GPHN: variants seen among roughly 807,000 people sequenced by gnomAD.
GPHN encodes gephyrin.
A neutral mutation model predicts 95.5 loss-of-function variants in GPHN; 17 were observed. That is an observed-to-expected ratio of 0.18 (90% CI 0.12 to 0.27). The LOEUF is 0.27. Ranked by LOEUF, GPHN falls within the 10% of genes least tolerant of loss-of-function variation. The pLI is 1.00. For missense variants in GPHN, 660 were observed against 978.1 expected, an observed-to-expected ratio of 0.67 and a Z score of 4.34; for synonymous variants, 320 against 322.5, an observed-to-expected ratio of 0.99 and a Z score of 0.08.
intron 4 of GPHN, among the ~76,000 whole-genome samples, chr14:66,870,580 GA>G (rs1259316464): frequency 6.6e-6 from 1 of 152,048 alleles, no homozygotes; most frequent in East Asian, 1.9e-4. Context: ...TTTATACCCT[GA>G]AAAATATTTT....
chr14:66,742,787 A>C (rs780563602), intron 2 of GPHN, among the ~76,000 whole-genome samples: 1 of 152,052 alleles, frequency 6.6e-6, no homozygotes, highest in Non-Finnish European at 1.5e-5. Context: ...TTTGAGACGG[A>C]GTCTCGCTCT....
intron 1 of GPHN, among the ~76,000 whole-genome samples, chr14:66,519,942 C>G (rs1003943665): frequency 6.6e-6 from 1 of 152,068 alleles, no homozygotes; most frequent in South Asian, 2.1e-4. Context: ...AGTAAATGAA[C>G]AGGCTGCAAA....
At chr14:67,714,002 T>C in the GPHN span, among the ~76,000 whole-genome samples, 1 of 152,216 alleles carries the variant, frequency 6.6e-6, no homozygotes, top group Non-Finnish European at 1.5e-5. Flanking sequence ...GAGGCAGGTT[T>C]GCCCTAAACA....
chr14:67,382,646 C>A, the GPHN span: 1 of 1,592,816 alleles, frequency 6.3e-7, no homozygotes, highest in East Asian at 2.2e-5. Flanking sequence ...AAAAGGAGTT[C>A]TTGTAGGTAA....
At chr14:67,321,163 T>C in the GPHN span, 2 of 1,614,074 alleles carry the variant, frequency 1.2e-6, no homozygotes, top group African/African-American at 2.7e-5. Context: ...TCATTGAGCA[T>C]GGTGAATTTG....
chr14:67,569,617 G>T, the GPHN span: 2 of 471,962 alleles, frequency 4.2e-6, no homozygotes, highest in Admixed American at 6.8e-5. Context: ...CTGTGGGGTG[G>T]TCCCATAGCC....
chr14:67,533,624 C>T, the GPHN span: 1 of 152,108 alleles, frequency 6.6e-6, no homozygotes. Context: ...GAGGAGCCTC[C>T]CCCGGGAGTA....
the GPHN span, among the ~76,000 whole-genome samples, chr14:67,377,800 G>A: frequency 2.6e-5 from 4 of 151,888 alleles, no homozygotes; most frequent in South Asian, 2.1e-4. Context: ...CAAACACTGC[G>A]TCCTCTGCTT....
chr14:67,314,675 G>A, the GPHN span, among the ~76,000 whole-genome samples: 1 of 152,202 alleles, frequency 6.6e-6, no homozygotes, highest in Non-Finnish European at 1.5e-5. Flanking sequence ...TTTGTTGATA[G>A]ATTGATTTTC....
chr14:67,441,217 T>C, the GPHN span, among the ~76,000 whole-genome samples: 42 of 152,332 alleles, frequency 2.8e-4, no homozygotes, highest in Middle Eastern at 3.4e-3. Context: ...CGTGCTTCTC[T>C]GGCTTAGAGG....
intron 4 of GPHN, among the ~76,000 whole-genome samples, chr14:66,851,846 C>G (rs1345794853): frequency 6.6e-6 from 1 of 152,026 alleles, no homozygotes; most frequent in Non-Finnish European, 1.5e-5. Context: ...TGAGTGGGAG[C>G]AAGCTTAGCT....
chr14:66,560,850 C>T (rs1403804129), intron 1 of GPHN, among the ~76,000 whole-genome samples: 1 of 152,092 alleles, frequency 6.6e-6, no homozygotes, highest in Non-Finnish European at 1.5e-5. Flanking sequence ...CCAGTTTTTG[C>T]CCATTCGGTA....
chr14:66,763,434 C>T (rs1394112126), intron 2 of GPHN, among the ~76,000 whole-genome samples: 3 of 133,840 alleles, frequency 2.2e-5, no homozygotes, highest in Non-Finnish European at 3.1e-5. Context: ...TATTCCCCTT[C>T]CTGTGTCCAT....
intron 5 of GPHN, among the ~76,000 whole-genome samples, chr14:66,898,704 A>C (rs1262900248): frequency 6.6e-6 from 1 of 151,812 alleles, no homozygotes; most frequent in Non-Finnish European, 1.5e-5. Flanking sequence ...CAAAATTTTT[A>C]GCTATTTTGG....
the GPHN span, among the ~76,000 whole-genome samples, chr14:67,216,430 C>A: frequency 6.6e-6 from 1 of 151,648 alleles, no homozygotes. Flanking sequence ...TTTATTATTT[C>A]TTCTACTAAT....
At position 66,847,281 on chromosome 14, in the gene GPHN, G is replaced by A. The variant is rs141158857; in HGVS notation, c.294+22715G>A. ...TTAGCAATAATGAACAATTTTAAAAGATTTTGCTTTGCCTGCATTCATTCT... is the reference window on the plus strand; with the variant it reads ...TTAGCAATAATGAACAATTTTAAAAAATTTTGCTTTGCCTGCATTCATTCT... On this transcript the variant is annotated intron_variant, in intron 4 of 22. Coordinates refer to ENST00000478722, the MANE Select transcript of GPHN (RefSeq NM_020806.5). 5.2e-3 allele frequency among the ~76,000 whole-genome samples: 795 copies of A among 152,190 alleles called. 6 individuals are homozygous for A. The highest frequency in any genetic ancestry group is 0.019 in the African/African-American group (776 of 41,554).
At chr14:66,738,920 T>A (rs2072535245) in intron 2 of GPHN, among the ~76,000 whole-genome samples, 1 of 152,132 alleles carries the variant, frequency 6.6e-6, no homozygotes, top group Admixed American at 6.5e-5. Context: ...ATTAATCAAC[T>A]ATTATTATGG....
At chr14:67,058,032 A>G (rs1199699030) in intron 10 of GPHN, among the ~76,000 whole-genome samples, 1 of 147,776 alleles carries the variant, frequency 6.8e-6, no homozygotes, top group Admixed American at 6.8e-5. Flanking sequence ...AGCCTATCAC[A>G]AAAAAAAACT....
At chr14:66,981,081 TG>T (rs2153598510) in intron 9 of GPHN, among the ~76,000 whole-genome samples, 1 of 152,296 alleles carries the variant, frequency 6.6e-6, no homozygotes, top group Non-Finnish European at 1.5e-5. Context: ...GATAAAAATA[TG>T]GCAGAGGGGT....
Sources: gnomAD v4.1 joint callset for allele counts (sites outside exome capture counted in the v4.1 genomes callset) on GRCh38, gnomAD v4.1.1 for gene constraint, MANE v1.5 for transcripts, NCBI Gene and HGNC (gene_info 2026-07-23, HGNC 2026-07-21) for gene names.